The following ANKRD17 variants were observed in gnomAD, a reference collection of about 807,000 sequenced individuals.
The protein encoded by ANKRD17 is ankyrin repeat domain 17.
A neutral mutation model predicts 229.7 loss-of-function variants in ANKRD17; 19 were observed. The observed-to-expected ratio is 0.08, with a 90% confidence interval of 0.06 to 0.12. The LOEUF is 0.12. Ranked by LOEUF, ANKRD17 falls within the 10% of genes least tolerant of loss-of-function variation. ANKRD17 has a pLI of 1.00. For synonymous variants in ANKRD17, 1,112 were observed against 1,146.1 expected, an observed-to-expected ratio of 0.97 and a Z score of 0.60; for missense variants, 2,176 against 3,176.8, an observed-to-expected ratio of 0.68 and a Z score of 7.57.
chr4:73,086,919 AATATATATATATAT>A (rs61024099), intron 29 of ANKRD17, among the ~76,000 whole-genome samples: 907 of 12,444 alleles, frequency 0.073, 145 homozygotes, highest in Admixed American at 0.29. Flanking sequence ...AAAAAAAAAA[AATATATATATATAT>A]ATATATATAT....
chr4:73,201,478 G>A (rs1325278538), intron 1 of ANKRD17, among the ~76,000 whole-genome samples: 1 of 151,622 alleles, frequency 6.6e-6, no homozygotes, highest in Non-Finnish European at 1.5e-5. Context: ...AATGTAAACA[G>A]TGCGTGAGGA....
At chr4:73,118,310 TA>T (rs1048374984) in intron 22 of ANKRD17, among the ~76,000 whole-genome samples, 32 of 152,230 alleles carry the variant, frequency 2.1e-4, no homozygotes, top group African/African-American at 7.2e-4. Flanking sequence ...ATAACCAGTT[TA>T]AGTGATATTT....
intron 1 of ANKRD17, among the ~76,000 whole-genome samples, chr4:73,253,049 T>C (rs779206882): frequency 6.6e-6 from 1 of 152,184 alleles, no homozygotes; most frequent in South Asian, 2.1e-4. Flanking sequence ...AGTGAGAGAA[T>C]AAATGAATGA....
At chr4:73,226,552 C>T (rs985544558) in intron 1 of ANKRD17, among the ~76,000 whole-genome samples, 6 of 151,644 alleles carry the variant, frequency 4.0e-5, no homozygotes, top group Non-Finnish European at 5.9e-5. Context: ...TGCCACCATG[C>T]CCAGCTAATT....
intron 29 of ANKRD17, among the ~76,000 whole-genome samples, chr4:73,085,824 A>AC (rs1553910769): frequency 8.3e-6 from 1 of 120,196 alleles, no homozygotes; most frequent in Non-Finnish European, 1.8e-5. Context: ...TCTACAAAAA[A>AC]TTAAAAAAAA....
At chr4:73,161,126 T>A (rs967742773) in intron 3 of ANKRD17, 66 bp downstream of exon 3, 2 of 1,565,528 alleles carry the variant, frequency 1.3e-6, no homozygotes, top group Admixed American at 1.8e-5. Flanking sequence ...GCTCAGTAAA[T>A]GTTAGCTATT....
intron 7 of ANKRD17, 110 bp downstream of exon 7, chr4:73,151,320 G>A (rs577709463): frequency 3.1e-5 from 28 of 915,478 alleles, no homozygotes; most frequent in Non-Finnish European, 4.6e-5. Flanking sequence ...GATTCAATAA[G>A]GTTCTGACAA....
At chr4:73,223,162 C>A (rs1353866765) in intron 1 of ANKRD17, 1 of 858,924 alleles carries the variant, frequency 1.2e-6, no homozygotes, top group Non-Finnish European at 1.7e-6. Context: ...TGTTCACTAG[C>A]CAGGCATCTA....
intron 1 of ANKRD17, among the ~76,000 whole-genome samples, chr4:73,219,659 T>C (rs1033269878): frequency 8.5e-5 from 13 of 152,316 alleles, no homozygotes; most frequent in Non-Finnish European, 1.5e-4. Context: ...CCACTGTCCA[T>C]AGACAGAACC....
chr4:73,140,139 A>G lies in ANKRD17; in HGVS notation c.2477T>C (p.Ile826Thr). Residue 826 changes from isoleucine (I) to threonine (T), a missense_variant, in exon 15 of 34, where the codon ATA becomes ACA. By Grantham distance (89) the Ile-to-Thr change is moderately conservative. Transcript: ENST00000358602. ...TELEQRIKEA[I>T]EKNAQLQSLE... ...GGACTGCAGCTGTGCATTCTTTTCT[A>G]TGGCTTCTTTTATCCTCTGTTCCAG... 1 of 1,614,042 alleles carries G rather than the reference A, an allele frequency of 6.2e-7. No homozygotes were observed. Among genetic ancestry groups the G allele is most frequent in the Non-Finnish European group, 8.5e-7 (1 of 1,180,006 alleles).
At chr4:73,179,403 A>ATT (rs1206768935) in intron 1 of ANKRD17, among the ~76,000 whole-genome samples, 13 of 144,648 alleles carry the variant, frequency 9.0e-5, no homozygotes, top group African/African-American at 3.3e-4. Context: ...TATATTTTAA[A>ATT]TTATATATAT....
At chr4:73,187,609 T>C (rs1483466568) in intron 1 of ANKRD17, among the ~76,000 whole-genome samples, 2 of 152,184 alleles carry the variant, frequency 1.3e-5, no homozygotes, top group Non-Finnish European at 2.9e-5. Flanking sequence ...CTCTCAAAAA[T>C]TCTGTAAGGA....
chr4:73,155,215 A>AT (rs557788436), intron 5 of ANKRD17, among the ~76,000 whole-genome samples: 102 of 152,156 alleles, frequency 6.7e-4, no homozygotes, highest in Non-Finnish European at 1.4e-3. Context: ...TTTTCACAAT[A>AT]TTTTTTTCTG....
intron 1 of ANKRD17, among the ~76,000 whole-genome samples, chr4:73,201,117 A>C (rs1738620702): frequency 6.6e-6 from 1 of 152,124 alleles, no homozygotes. Flanking sequence ...AGGAGAACAA[A>C]AGACATAAAA....
At chr4:73,199,150 A>G (rs1011613279) in intron 1 of ANKRD17, among the ~76,000 whole-genome samples, 3 of 152,002 alleles carry the variant, frequency 2.0e-5, no homozygotes, top group Non-Finnish European at 4.4e-5. Flanking sequence ...CATCTCCATG[A>G]GTGCCCTGAG....
intron 27 of ANKRD17, among the ~76,000 whole-genome samples, chr4:73,096,766 A>C (rs1045665357): frequency 6.6e-6 from 1 of 152,238 alleles, no homozygotes; most frequent in Non-Finnish European, 1.5e-5. Context: ...GACAACAGTT[A>C]CTATGATTAG....
At chr4:73,115,454 C>T (rs958165726) in intron 23 of ANKRD17, among the ~76,000 whole-genome samples, 1 of 152,000 alleles carries the variant, frequency 6.6e-6, no homozygotes, top group Non-Finnish European at 1.5e-5. Flanking sequence ...ACATGCCAGG[C>T]TAATTTTTGT....
intron 25 of ANKRD17, among the ~76,000 whole-genome samples, chr4:73,101,890 T>A (rs1237201870): frequency 6.6e-6 from 1 of 152,088 alleles, no homozygotes; most frequent in Non-Finnish European, 1.5e-5. Context: ...CATAATAAAG[T>A]TAGGGAGGAA....
chr4:73,237,491 C>A (rs557060851), intron 1 of ANKRD17, among the ~76,000 whole-genome samples: 1 of 152,160 alleles, frequency 6.6e-6, no homozygotes, highest in South Asian at 2.1e-4. Flanking sequence ...AGCCAGAAAG[C>A]TGGACTGAGT....
Sources: gnomAD v4.1 joint callset for allele counts (sites outside exome capture counted in the v4.1 genomes callset) on GRCh38, gnomAD v4.1.1 for gene constraint, MANE v1.5 for transcripts, NCBI Gene and HGNC (gene_info 2026-07-23, HGNC 2026-07-21) for gene names.